Variants in DENND1A observed in about 807,000 individuals in gnomAD.
DENND1A encodes the protein DENN domain containing 1A.
In DENND1A, 51 loss-of-function variants were observed where a neutral mutation model predicts 113.7. The observed-to-expected ratio is 0.45, with a 90% CI of 0.36 to 0.57. The LOEUF (loss-of-function observed/expected upper bound fraction) is 0.57, where lower values mean the gene tolerates loss of function less well. Among genes scored for constraint, DENND1A ranks in the 20% least tolerant of loss-of-function variants. DENND1A has a pLI of 0.00. For missense variants in DENND1A, 1,258 were observed against 1,395.9 expected (o/e 0.90, Z 1.57); for synonymous variants, 565 against 570.8 (o/e 0.99, Z 0.14).
At chr9:123,743,269 C>T (rs986188677) in intron 5 of DENND1A, among the ~76,000 whole-genome samples, 3 of 151,848 alleles carry the variant, frequency 2.0e-5, no homozygotes, top group African/African-American at 7.3e-5. Context: ...GATATGGTGT[C>T]GTGCACCTGT....
intron 5 of DENND1A, among the ~76,000 whole-genome samples, chr9:123,696,135 A>C (rs933437374): frequency 1.3e-5 from 2 of 152,222 alleles, no homozygotes; most frequent in African/African-American, 2.4e-5. Context: ...ATGTTGCTAC[A>C]TTCATTTACC....
intron 5 of DENND1A, 56 bp downstream of exon 5, chr9:123,757,647 G>T: frequency 6.3e-7 from 1 of 1,594,048 alleles, no homozygotes; most frequent in Non-Finnish European, 8.6e-7. Flanking sequence ...GAAGAGCAAT[G>T]CAGAAGCTGA....
chr9:123,391,807 C>T (rs999516273), intron 21 of DENND1A, among the ~76,000 whole-genome samples: 1 of 144,990 alleles, frequency 6.9e-6, no homozygotes, highest in Non-Finnish European at 1.5e-5. Flanking sequence ...TAACCCAATT[C>T]AGCTACTCCC....
At chr9:123,698,792 G>A (rs559224535) in intron 5 of DENND1A, among the ~76,000 whole-genome samples, 7 of 152,270 alleles carry the variant, frequency 4.6e-5, no homozygotes, top group African/African-American at 1.7e-4. Flanking sequence ...TTTGCCCTGC[G>A]TACTACGTTG....
At chr9:123,823,063 T>C (rs1247592051) in intron 2 of DENND1A, among the ~76,000 whole-genome samples, 7 of 152,208 alleles carry the variant, frequency 4.6e-5, no homozygotes, top group African/African-American at 7.2e-5. Flanking sequence ...CAGATACTTA[T>C]TGTGTACTTA....
At chr9:123,618,205 C>T (rs1021494396) in intron 10 of DENND1A, among the ~76,000 whole-genome samples, 8 of 152,214 alleles carry the variant, frequency 5.3e-5, no homozygotes, top group African/African-American at 1.9e-4. Context: ...AGGTCACTTG[C>T]TGCACTGCTG....
intron 5 of DENND1A, among the ~76,000 whole-genome samples, chr9:123,706,182 A>C (rs12000791): frequency 0.43 from 61,918 of 145,492 alleles, 16,127 homozygotes; most frequent in African/African-American, 0.75. Context: ...CTTGCTCTGT[A>C]GCCCAGGCCG....
intron 13 of DENND1A, among the ~76,000 whole-genome samples, chr9:123,539,041 A>C (rs760499772): frequency 4.6e-5 from 7 of 151,910 alleles, no homozygotes; most frequent in Non-Finnish European, 8.8e-5. Context: ...CTTTATAAAA[A>C]TATTCCAACC....
At chr9:123,818,660 C>T (rs962333660) in intron 2 of DENND1A, among the ~76,000 whole-genome samples, 1 of 150,960 alleles carries the variant, frequency 6.6e-6, no homozygotes, top group Admixed American at 6.6e-5. Flanking sequence ...ACACACATAG[C>T]CTGAAGGTAA....
intron 13 of DENND1A, among the ~76,000 whole-genome samples, chr9:123,539,224 T>C (rs1245997819): frequency 6.6e-6 from 1 of 151,942 alleles, no homozygotes; most frequent in African/African-American, 2.4e-5. Context: ...GTCTATCCAA[T>C]CTCTGGATCA....
chr9:123,570,912 T>C (rs146612353), intron 12 of DENND1A, among the ~76,000 whole-genome samples: 215 of 152,236 alleles, frequency 1.4e-3, no homozygotes, highest in African/African-American at 4.7e-3. Context: ...GAGATAAACA[T>C]GAAGTCTGTA....
At chr9:123,895,659 C>T (rs1447259687) in intron 1 of DENND1A, among the ~76,000 whole-genome samples, 1 of 151,458 alleles carries the variant, frequency 6.6e-6, no homozygotes, top group Non-Finnish European at 1.5e-5. Context: ...AACAAAGATT[C>T]AGACAAAGAA....
At chr9:123,396,614 C>T (rs1037604109) in intron 21 of DENND1A, among the ~76,000 whole-genome samples, 2 of 152,260 alleles carry the variant, frequency 1.3e-5, no homozygotes, top group South Asian at 4.1e-4. Context: ...ATGCTTCTGG[C>T]AGCTTCTTCT....
At chr9:123,592,870 C>A (rs571413741) in intron 11 of DENND1A, among the ~76,000 whole-genome samples, 51 of 152,074 alleles carry the variant, frequency 3.4e-4, no homozygotes, top group African/African-American at 1.2e-3. Context: ...ACCACACACA[C>A]AAAAAAATAC....
intron 13 of DENND1A, among the ~76,000 whole-genome samples, chr9:123,501,654 T>A (rs1223994215): frequency 6.6e-6 from 1 of 152,228 alleles, no homozygotes; most frequent in African/African-American, 2.4e-5. Context: ...AAAGTATTGA[T>A]CCTGGGTGTG....
intron 1 of DENND1A, among the ~76,000 whole-genome samples, chr9:123,901,342 G>A (rs1321924181): frequency 6.6e-6 from 1 of 152,180 alleles, no homozygotes; most frequent in Admixed American, 6.5e-5. Context: ...TAGGATGTGA[G>A]ATGTCCCCAA....
At chr9:123,639,540 G>A (rs1168582525) in intron 9 of DENND1A, among the ~76,000 whole-genome samples, 3 of 151,122 alleles carry the variant, frequency 2.0e-5, no homozygotes, top group Admixed American at 1.3e-4. Flanking sequence ...CACTTTGGGA[G>A]GCTGAGGTGG....
intron 13 of DENND1A, among the ~76,000 whole-genome samples, chr9:123,500,554 C>T (rs1355352465): frequency 6.6e-6 from 1 of 152,230 alleles, no homozygotes; most frequent in African/African-American, 2.4e-5. Context: ...CCTGTGAAGC[C>T]TATCCTGCTC....
intron 21 of DENND1A, among the ~76,000 whole-genome samples, chr9:123,395,468 C>CTCTCTGTGTGTGTGTGTGTGTGTGTG (rs367751848): frequency 0.013 from 1,883 of 142,854 alleles, 21 homozygotes; most frequent in Middle Eastern, 0.032. Flanking sequence ...CTCTCTCTCT[C>CTCTCTGTGTGTGTGTGTGTGTGTGTG]TGTGTGTGTG....
Sources: allele counts gnomAD v4.1 joint callset (sites outside exome capture counted in the v4.1 genomes callset), GRCh38; gene constraint gnomAD v4.1.1; transcripts MANE v1.5; gene names NCBI Gene and HGNC (gene_info 2026-07-23, HGNC 2026-07-21).